The following HTT variants were observed in gnomAD, a reference collection of about 807,000 sequenced individuals.
HTT encodes huntington disease protein.
HTT carries 104 observed loss-of-function variants against 362.3 expected under a neutral mutation model. The observed-to-expected ratio is 0.29, with a 90% confidence interval of 0.24 to 0.34. The LOEUF (loss-of-function observed/expected upper bound fraction) is 0.34. Among genes scored for constraint, HTT ranks in the 10% least tolerant of loss-of-function variants. The pLI, the probability that HTT is intolerant of heterozygous loss-of-function variation, is 1.00. For missense variants in HTT, 3,301 were observed against 3,928.6 expected, an observed-to-expected ratio of 0.84 and a Z score of 4.27; for synonymous variants, 1,577 against 1,548.7, an observed-to-expected ratio of 1.02 and a Z score of -0.43.
At chr4:3,216,345 A>T (rs1720398428) in intron 51 of HTT, among the ~76,000 whole-genome samples, 1 of 152,174 alleles carries the variant, frequency 6.6e-6, no homozygotes, top group Non-Finnish European at 1.5e-5. Context: ...AGGAATATGA[A>T]AACACCCACC....
In HTT at chr4:3,243,103, TC is replaced by T. The variant is rs1721888029; in HGVS notation, c.*3046del. 6.6e-6 allele frequency: 1 copy of T among 152,560 alleles called. No homozygotes were observed. The allele number at this position is 152,560 out of a possible 1,614,324, so 9.5% of individuals were successfully genotyped here. Reference sequence around the variant, plus strand: ...GCCCTCGGAGCCAATGAACAGCTCCTCCTCTTGGAGCTGAGATGAGCCCCAC... The same window carrying T: ...GCCCTCGGAGCCAATGAACAGCTCCTCTCTTGGAGCTGAGATGAGCCCCAC... On this transcript the variant is annotated 3_prime_UTR_variant, in exon 67 of 67. Transcript: ENST00000355072.
intron 6 of HTT, among the ~76,000 whole-genome samples, chr4:3,111,193 CTT>C (rs1161560027): frequency 1.2e-4 from 16 of 134,776 alleles, no homozygotes; most frequent in East Asian, 2.1e-4. Context: ...ATTTTCTTTA[CTT>C]TTTTTTTTTT....
intron 41 of HTT, among the ~76,000 whole-genome samples, chr4:3,203,492 G>T (rs988765531): frequency 1.3e-5 from 2 of 152,254 alleles, no homozygotes; most frequent in African/African-American, 4.8e-5. Flanking sequence ...AGAAGTCAGT[G>T]TAGAGTGAAA....
chr4:3,229,798 C>G, intron 59 of HTT, 89 bp from the exon 60 acceptor site: 1 of 1,377,554 alleles, frequency 7.3e-7, no homozygotes. Flanking sequence ...TGTAAGAACA[C>G]GACTTGCCAG....
In HTT at chr4:3,231,364, G is replaced by A. The variant is rs539947340; in HGVS notation, c.8265+1322G>A. On this transcript the variant is annotated intron_variant, in intron 60 of 66. Coordinates refer to ENST00000355072, the MANE Select transcript of HTT (RefSeq NM_001388492.1). ...TTTTTTTTTTGCCATCACTCCAGCCGCTAACATTTGCGGAGCTCTTCCTCC... is the reference window on the plus strand; with the variant it reads ...TTTTTTTTTTGCCATCACTCCAGCCACTAACATTTGCGGAGCTCTTCCTCC... Among the ~76,000 whole-genome samples the A allele has an allele frequency of 1.4e-4, 21 of 152,018 alleles. No homozygotes were observed. In the East Asian group the frequency reaches 2.7e-3, roughly 20 times the overall value.
At chr4:3,078,891 C>A (rs897852075) in intron 1 of HTT, among the ~76,000 whole-genome samples, 2 of 152,304 alleles carry the variant, frequency 1.3e-5, no homozygotes, top group Non-Finnish European at 2.9e-5. Flanking sequence ...CCTGCCACCA[C>A]GTCCAGCTAA....
intron 19 of HTT, among the ~76,000 whole-genome samples, chr4:3,135,175 TA>T: frequency 6.6e-6 from 1 of 152,286 alleles, no homozygotes; most frequent in African/African-American, 2.4e-5. Context: ...TCTGCTTGTT[TA>T]AAAAGAATAT....
At position 3,206,706 on chromosome 4, in the gene HTT, T is replaced by G; in HGVS notation, c.5898+31T>G. 1 of 1,598,946 alleles carries G rather than the reference T, an allele frequency of 6.3e-7. No individual in the cohort carries two copies. Among genetic ancestry groups the G allele is most frequent in the Non-Finnish European group, 8.6e-7 (1 of 1,168,856 alleles). ...TCTTCATCCTGCCGACTATTGCCAG[T>G]TGCAGTTTTCCCTGCCTTAAAAATG... On this transcript the variant is annotated intron_variant, in intron 43 of 66. Coordinates refer to ENST00000355072, the MANE Select transcript of HTT (RefSeq NM_001388492.1). This position sits in a 1 kb window ranked among gnomAD's most constrained non-coding sequence, Gnocchi z 4.6.
At chr4:3,146,748 T>TC in intron 24 of HTT, 49 bp from the exon 25 acceptor site, 1 of 1,570,728 alleles carries the variant, frequency 6.4e-7, no homozygotes. Context: ...AAGACTGTTG[T>TC]TTGCTTAAAA....
At chr4:3,197,599 T>G (rs529427952) in intron 40 of HTT, among the ~76,000 whole-genome samples, 1 of 152,292 alleles carries the variant, frequency 6.6e-6, no homozygotes, top group East Asian at 1.9e-4. Flanking sequence ...TGTGCAGTGC[T>G]GAGCCCTTTA....
intron 28 of HTT, 114 bp from the exon 29 acceptor site, chr4:3,160,168 G>A (rs772733288): frequency 1.9e-5 from 13 of 681,842 alleles, no homozygotes; most frequent in Non-Finnish European, 3.2e-5. Context: ...GTGAGTGTAC[G>A]GCGCCGCACA....
chr4:3,119,647 T>C (rs1578513810), intron 8 of HTT, among the ~76,000 whole-genome samples: 1 of 152,200 alleles, frequency 6.6e-6, no homozygotes, highest in Non-Finnish European at 1.5e-5. Flanking sequence ...CAGAGAACAT[T>C]AAATGTAAAT....
At position 3,157,299 on chromosome 4, in the gene HTT, T is replaced by C. The variant is rs182457566; in HGVS notation, c.3753+100T>C. ...ATGATTTGTAGGATGTATAAGCCCT[T>C]TGAGATATGAGTTACATTTAGTTTT... On this transcript the variant is annotated intron_variant, in intron 28 of 66. Coordinates refer to ENST00000355072, the MANE Select transcript of HTT (RefSeq NM_001388492.1). 3.2e-4 allele frequency: 362 copies of C among 1,128,580 alleles called. 2 individuals carry two copies. The African/African-American group carries it at 5.1e-3, about 16-fold the overall frequency. The allele number at this position is 1,128,580 out of a possible 1,614,324, so 69.9% of individuals were successfully genotyped here.
chr4:3,110,136 T>C (rs1032292346), intron 6 of HTT, among the ~76,000 whole-genome samples: 10 of 152,228 alleles, frequency 6.6e-5, no homozygotes, highest in Non-Finnish European at 1.5e-5. Context: ...TCAGAGGCCA[T>C]TGCTGCTGCC....
chr4:3,096,571 A>T (rs1713868414), intron 2 of HTT, among the ~76,000 whole-genome samples: 1 of 152,240 alleles, frequency 6.6e-6, no homozygotes, highest in African/African-American at 2.4e-5. Flanking sequence ...ATAACCTGGA[A>T]AAGCCTCAGA....
intron 33 of HTT, among the ~76,000 whole-genome samples, 187 bp from the exon 34 acceptor site, chr4:3,177,145 G>A (rs1718279652): frequency 1.3e-5 from 2 of 152,214 alleles, no homozygotes; most frequent in African/African-American, 4.8e-5. Flanking sequence ...TAAAGTTGTT[G>A]AGGGGATTCC....
intron 57 of HTT, among the ~76,000 whole-genome samples, chr4:3,225,953 T>G (rs1017532086): frequency 2.0e-5 from 3 of 152,180 alleles, no homozygotes; most frequent in Non-Finnish European, 4.4e-5. Flanking sequence ...TTTATTTATG[T>G]TCTGTATTCC....
At chr4:3,232,206 A>G (rs1261142666) in intron 60 of HTT, among the ~76,000 whole-genome samples, 2 of 152,220 alleles carry the variant, frequency 1.3e-5, no homozygotes, top group South Asian at 2.1e-4. Context: ...AGTGACCCAC[A>G]AAGAACAGCC....
chr4:3,183,219 A>G (rs1718609606), intron 37 of HTT, among the ~76,000 whole-genome samples: 1 of 152,236 alleles, frequency 6.6e-6, no homozygotes, highest in Non-Finnish European at 1.5e-5. Context: ...ATCAAATGAC[A>G]TGAATCATTG....
Sources: gnomAD v4.1 joint callset for allele counts (sites outside exome capture counted in the v4.1 genomes callset) on GRCh38, gnomAD v4.1.1 for gene constraint, Gnocchi (gnomAD v3.1) non-coding constraint, MANE v1.5 for transcripts, NCBI Gene and HGNC (gene_info 2026-07-23, HGNC 2026-07-21) for gene names.